WWOX: variants seen among roughly 807,000 people sequenced by gnomAD.
WWOX encodes WW domain-containing oxidoreductase.
WWOX carries 69 observed loss-of-function variants against 46.2 expected under a neutral mutation model. The observed-to-expected ratio is 1.49, with a 90% CI of 1.23 to 1.82. The LOEUF (loss-of-function observed/expected upper bound fraction) is 1.82, where lower values mean the gene tolerates loss of function less well. Ranked by LOEUF, WWOX falls within the 40% of genes most tolerant of loss-of-function variation. The pLI, the probability that WWOX is intolerant of heterozygous loss-of-function variation, is 0.00. For missense variants in WWOX, 919 were observed against 542.6 expected (o/e 1.69, Z -6.89); for synonymous variants, 359 against 202.6 (o/e 1.77, Z -6.56).
intron 5 of WWOX, among the ~76,000 whole-genome samples, chr16:78,255,724 A>G (rs2038111652): frequency 6.6e-6 from 1 of 152,178 alleles, no homozygotes; most frequent in Non-Finnish European, 1.5e-5. Context: ...AATACCCATC[A>G]TTTATTGAAC....
rs569526538 is a variant in WWOX, at chr16:78,617,792, G to C, written c.1056+185040G>C. Among the ~76,000 whole-genome samples the C allele has an allele frequency of 5.3e-5, 8 of 152,226 alleles. No individual in the cohort carries two copies. The East Asian group carries it at 1.2e-3, about 22-fold the overall frequency. ...TGGCCCTATCCACATGTTGCCTCCA[G>C]CATCCCAGGAACTCCGTTAATGTTT... On this transcript the variant is annotated intron_variant, in intron 8 of 8. Coordinates refer to ENST00000566780, the MANE Select transcript of WWOX (RefSeq NM_016373.4).
intron 8 of WWOX, among the ~76,000 whole-genome samples, chr16:78,578,102 T>C (rs1281169256): frequency 2.0e-5 from 3 of 151,598 alleles, no homozygotes; most frequent in Non-Finnish European, 2.9e-5. Flanking sequence ...ACTTAGATAC[T>C]GTGTCATCTT....
intron 5 of WWOX, chr16:78,281,114 C>T (rs753222895): frequency 3.3e-5 from 5 of 152,154 alleles, no homozygotes; most frequent in East Asian, 1.9e-4. Context: ...ATAATAAAAG[C>T]GAGATATTTC....
rs1042724696 is a variant in WWOX, at chr16:78,937,451, T to G, written c.1057-274157T>G. Among the ~76,000 whole-genome samples, 26 of 57,516 alleles carry G rather than the reference T, an allele frequency of 4.5e-4. 1 individual carries two copies. The highest frequency in any genetic ancestry group is 1.8e-3 in the African/African-American group (25 of 14,268). The allele number at this position is 57,516 out of a possible 152,430, so 37.7% of individuals were successfully genotyped here. On this transcript the variant is annotated intron_variant, in intron 8 of 8. Transcript: ENST00000566780. The stretch of plus-strand genomic sequence containing the variant: ...GAGAACTTTGTATTTGTATTAACTT[T>G]TTTTTTTTTTTTTTTTTTTTTTTAA...
chr16:78,630,282 G>A (rs545907870), intron 8 of WWOX, among the ~76,000 whole-genome samples: 13 of 152,200 alleles, frequency 8.5e-5, no homozygotes, highest in Admixed American at 3.9e-4. Context: ...GCAGACTGTC[G>A]CAAGCTTGGC....
intron 4 of WWOX, among the ~76,000 whole-genome samples, chr16:78,146,915 C>T (rs1015530565): frequency 3.9e-5 from 6 of 152,104 alleles, no homozygotes; most frequent in Non-Finnish European, 7.4e-5. Context: ...GCCTTCCACG[C>T]GGGACTGTTG....
chr16:78,635,659 C>T (rs987989373), intron 8 of WWOX, among the ~76,000 whole-genome samples: 1 of 152,138 alleles, frequency 6.6e-6, no homozygotes, highest in Admixed American at 6.5e-5. Flanking sequence ...GACCAGCATT[C>T]ACACAGGCAC....
intron 5 of WWOX, among the ~76,000 whole-genome samples, chr16:78,220,143 T>G (rs1373166195): frequency 1.3e-5 from 2 of 152,210 alleles, no homozygotes; most frequent in Admixed American, 6.5e-5. Context: ...CTCAAATTTC[T>G]TATCCAGTGG....
At chr16:78,792,317 G>A (rs2050626485) in intron 8 of WWOX, among the ~76,000 whole-genome samples, 1 of 152,114 alleles carries the variant, frequency 6.6e-6, no homozygotes, top group Non-Finnish European at 1.5e-5. Context: ...CCCCACCTTG[G>A]ATCTCTCTCC....
intron 6 of WWOX, among the ~76,000 whole-genome samples, chr16:78,408,016 G>C (rs2082589664): frequency 6.6e-6 from 1 of 152,144 alleles, no homozygotes. Context: ...ACTGGTGTAT[G>C]GTGCCTTAAT....
chr16:79,029,903 G>A (rs1484172961), intron 8 of WWOX, among the ~76,000 whole-genome samples: 1 of 152,128 alleles, frequency 6.6e-6, no homozygotes, highest in African/African-American at 2.4e-5. Flanking sequence ...AAGCATAAAC[G>A]CATATGGTCA....
chr16:78,141,338 T>C (rs993946527), intron 4 of WWOX, among the ~76,000 whole-genome samples: 11 of 152,154 alleles, frequency 7.2e-5, no homozygotes, highest in Admixed American at 2.0e-4. Flanking sequence ...ACACTTCTGT[T>C]TATCTTTAAA....
rs75790521 is a variant in WWOX at position 79,132,685 on chromosome 16, C to T, written c.1057-78923C>T. ...CTTGCTAAGTTATTACTTATATTGTCGCTTAAAAAAAACTTTGGAAAGAGG... is the reference window on the plus strand; with the variant it reads ...CTTGCTAAGTTATTACTTATATTGTTGCTTAAAAAAAACTTTGGAAAGAGG... On this transcript the variant is annotated intron_variant, in intron 8 of 8. Transcript: ENST00000566780. Among the ~76,000 whole-genome samples the T allele has an allele frequency of 1.2e-3, 185 of 151,772 alleles. 2 individuals carry two copies. In the East Asian group the frequency reaches 0.023, roughly 19 times the overall value.
intron 8 of WWOX, among the ~76,000 whole-genome samples, chr16:78,634,005 C>A (rs555932839): frequency 6.6e-6 from 1 of 151,772 alleles, no homozygotes; most frequent in Non-Finnish European, 1.5e-5. Context: ...ACCAAAGAGG[C>A]AACCCTCGAG....
intron 5 of WWOX, among the ~76,000 whole-genome samples, chr16:78,383,117 C>T (rs2081990255): frequency 6.6e-6 from 1 of 151,040 alleles, no homozygotes; most frequent in South Asian, 2.1e-4. Context: ...TTAACCAGCC[C>T]CATGATCCAA....
At chr16:78,798,323 G>GA (rs944680881) in intron 8 of WWOX, among the ~76,000 whole-genome samples, 1 of 152,040 alleles carries the variant, frequency 6.6e-6, no homozygotes, top group East Asian at 1.9e-4. Flanking sequence ...GAAAAAAAAA[G>GA]AAAAAAATCT....
intron 8 of WWOX, among the ~76,000 whole-genome samples, chr16:78,598,183 C>G (rs139813354): frequency 1.3e-5 from 2 of 152,282 alleles, no homozygotes; most frequent in Admixed American, 1.3e-4. Flanking sequence ...TTTCAAACAT[C>G]ATATTCTCAA....
chr16:78,428,436 G>T (rs1010518134), intron 7 of WWOX, among the ~76,000 whole-genome samples: 1 of 152,210 alleles, frequency 6.6e-6, no homozygotes, highest in African/African-American at 2.4e-5. Context: ...ATCTGCCCAG[G>T]AGACAGTGAG....
intron 8 of WWOX, among the ~76,000 whole-genome samples, chr16:78,560,321 G>C (rs1046477530): frequency 6.6e-6 from 1 of 152,132 alleles, no homozygotes; most frequent in African/African-American, 2.4e-5. Flanking sequence ...GTATTTACTG[G>C]TTAGAATAGA....
Sources: gnomAD v4.1 joint callset for allele counts (sites outside exome capture counted in the v4.1 genomes callset) on GRCh38, gnomAD v4.1.1 for gene constraint, MANE v1.5 for transcripts, NCBI Gene and HGNC (gene_info 2026-07-23, HGNC 2026-07-21) for gene names.